FRMD7: variants seen among roughly 807,000 people sequenced by gnomAD.
FRMD7 encodes the protein FERM domain containing 7.
A neutral mutation model predicts 44.1 loss-of-function variants in FRMD7; 14 were observed. That is an observed-to-expected ratio of 0.32 (90% CI 0.21 to 0.50). The LOEUF is 0.50. FRMD7 is among the 20% of genes least tolerant of loss of function. FRMD7 has a pLI of 0.99. For missense variants in FRMD7, 501 were observed against 522.3 expected (o/e 0.96, Z 0.40); for synonymous variants, 212 against 187.4 (o/e 1.13, Z -1.07).
Position 132,121,607 on chromosome X carries a change from A to C in FRMD7, c.57+6181T>G, listed in dbSNP as rs1472916026. On this transcript the variant is annotated intron_variant, in intron 1 of 11. Transcript: ENST00000298542. ...CCCATTTTATAGATTAAAAAAAAAA[A>C]CCCAAGGCACAGAGAAGTTATATAA... Among the ~76,000 whole-genome samples the C allele has an allele frequency of 2.7e-5, 3 of 109,501 alleles. No individual in the cohort carries two copies. The Admixed American group carries it at 2.9e-4, about 11-fold the overall frequency.
At chrX:132,092,292 T>A (rs1928201370) in intron 5 of FRMD7, among the ~76,000 whole-genome samples, 1 of 111,977 alleles carries the variant, frequency 8.9e-6, no homozygotes, top group Non-Finnish European at 1.9e-5. Flanking sequence ...AAGGTTGGAA[T>A]GTGGAGGTTC....
intron 1 of FRMD7, among the ~76,000 whole-genome samples, chrX:132,101,612 G>T (rs1928501327): frequency 8.9e-6 from 1 of 112,380 alleles, no homozygotes; most frequent in South Asian, 3.7e-4. Flanking sequence ...CTGAATGTTT[G>T]TTGATCCAAC....
intron 1 of FRMD7, among the ~76,000 whole-genome samples, chrX:132,105,548 C>G (rs1402269557): frequency 9.0e-6 from 1 of 111,612 alleles, no homozygotes; most frequent in Non-Finnish European, 1.9e-5. Context: ...GCCCAAATAG[C>G]CAAGGAAATC....
chrX:132,085,804 T>G, intron 6 of FRMD7, 76 bp from the exon 7 acceptor site: 1 of 1,075,658 alleles, frequency 9.3e-7, no homozygotes, highest in East Asian at 3.0e-5. Context: ...TCCATGAGGA[T>G]CTCAGCGTTT....
chrX:132,123,134 C>T (rs1929077140), intron 1 of FRMD7, among the ~76,000 whole-genome samples: 1 of 111,208 alleles, frequency 9.0e-6, no homozygotes, highest in Non-Finnish European at 1.9e-5. Flanking sequence ...TTCTTAACTC[C>T]TACTCAGCAA....
intron 5 of FRMD7, among the ~76,000 whole-genome samples, chrX:132,088,095 C>A (rs1928052527): frequency 8.9e-6 from 1 of 112,312 alleles, no homozygotes; most frequent in African/African-American, 3.2e-5. Context: ...CACTTAAGAT[C>A]AGAAATCAGG....
chrX:132,094,709 G>T (rs1928278234), intron 4 of FRMD7, among the ~76,000 whole-genome samples: 1 of 111,988 alleles, frequency 8.9e-6, no homozygotes, highest in Admixed American at 9.5e-5. Context: ...CTATCCAAAA[G>T]ACTGTGTTTT....
chrX:132,095,385 GTGTC>G (rs1167908389), intron 4 of FRMD7, among the ~76,000 whole-genome samples: 2 of 111,262 alleles, frequency 1.8e-5, no homozygotes, highest in African/African-American at 6.5e-5. Context: ...GTGAGCTACT[GTGTC>G]TGGCCCCAAT....
rs1377297899 is a variant in FRMD7, at chrX:132,127,938, C to A, written c.-94G>T. ...CCCAGCTGGATGTGGTGCACTCGGG[C>A]CCCCCCACCCCCAGCCAGGCATTCC... On this transcript the variant is annotated 5_prime_UTR_variant, in exon 1 of 12. Transcript: ENST00000298542. The A allele has an allele frequency of 7.1e-6, 5 of 705,631 alleles. No homozygotes were observed. The highest frequency in any genetic ancestry group is 4.3e-5 in the South Asian group (2 of 46,335). 58.2% of individuals were successfully genotyped at this position (705,631 alleles called of 1,213,427 possible). A position where few individuals can be genotyped will look rare whatever the true frequency, so the allele number is the denominator to read the frequency against.
intron 7 of FRMD7, among the ~76,000 whole-genome samples, chrX:132,085,115 C>T (rs932793738): frequency 9.0e-6 from 1 of 111,415 alleles, no homozygotes. Context: ...CAATGCCTTC[C>T]ACATAGTCAA....
At position 132,118,098 on chromosome X, in the gene FRMD7, A is replaced by T. The variant is rs768861961; in HGVS notation, c.57+9690T>A. On this transcript the variant is annotated intron_variant, in intron 1 of 11. Transcript: ENST00000298542. ...TAGTTCTTGCTTGGTAAAGTAGTGAAAGAATTATATGAACCCAAACTGTGC... is the reference window on the plus strand; with the variant it reads ...TAGTTCTTGCTTGGTAAAGTAGTGATAGAATTATATGAACCCAAACTGTGC... Among the ~76,000 whole-genome samples, 617 of 111,536 alleles carry T rather than the reference A, an allele frequency of 5.5e-3. 3 individuals carry two copies. The highest frequency in any genetic ancestry group is 0.018 in the African/African-American group (563 of 30,677).
intron 1 of FRMD7, among the ~76,000 whole-genome samples, chrX:132,114,825 C>G: frequency 8.9e-6 from 1 of 112,371 alleles, no homozygotes; most frequent in East Asian, 2.8e-4. Context: ...TGCCAAGCTC[C>G]ACCTTTGCAG....
intron 1 of FRMD7, among the ~76,000 whole-genome samples, chrX:132,112,139 T>G (rs776923718): frequency 8.9e-6 from 1 of 112,238 alleles, no homozygotes; most frequent in South Asian, 3.7e-4. Flanking sequence ...TTTGAAAGTT[T>G]GCACTCAGTA....
In FRMD7 at chrX:132,078,030, A is replaced by T. The variant is rs1041565174; in HGVS notation, c.1987T>A (p.Tyr663Asn). Residue 663 changes from tyrosine (Y) to asparagine (N), a missense_variant, in exon 12 of 12, where the codon TAT (tyrosine) becomes AAT (asparagine). Transcript: ENST00000298542. Reference sequence around the variant, plus strand: ...CTTATTTCTTTGCCATACAAAGCATAGTAGTCTGGTTTAAGAATCTCTGAT... The same window carrying T: ...CTTATTTCTTTGCCATACAAAGCATTGTAGTCTGGTTTAAGAATCTCTGAT... ...SESEILKPDY[Y>N]ALYGKEIRSP... 3 of 1,210,427 alleles carry T rather than the reference A, an allele frequency of 2.5e-6. No homozygotes were observed. The highest frequency in any genetic ancestry group is 3.4e-6 in the Non-Finnish European group (3 of 894,396).
chrX:132,121,045 C>G (rs928645539), intron 1 of FRMD7, among the ~76,000 whole-genome samples: 15 of 111,691 alleles, frequency 1.3e-4, no homozygotes, highest in Non-Finnish European at 2.4e-4. Context: ...TGGTGGTGAG[C>G]TGATCTGCTC....
At position 132,097,257 on chromosome X, in the gene FRMD7, T is replaced by C; in HGVS notation, c.284+9A>G. The C allele has an allele frequency of 9.0e-7, 1 of 1,116,331 alleles. No individual in the cohort carries two copies. The highest frequency in any genetic ancestry group is 1.2e-6 in the Non-Finnish European group (1 of 808,085). 92.0% of individuals were successfully genotyped at this position (1,116,331 alleles called of 1,213,427 possible). A position where few individuals can be genotyped will look rare whatever the true frequency, so the allele number is the denominator to read the frequency against. ...ACATCATGCAGAGACACACAGGTAA[T>C]CACTATACCTTGTAAGTTCTTCCCG... On this transcript the variant is annotated intron_variant, in intron 4 of 11. Transcript: ENST00000298542.
At chrX:132,102,705 C>T (rs1928535578) in intron 1 of FRMD7, among the ~76,000 whole-genome samples, 1 of 111,716 alleles carries the variant, frequency 9.0e-6, no homozygotes. Flanking sequence ...AGAAACACTT[C>T]AGTCATGAGG....
chrX:132,084,507 G>A lies in FRMD7; in HGVS notation c.724C>T (p.Leu242Phe), dbSNP rs771987980. The part of the protein sequence containing the change: ...SFKRKHFLIK[L>F]HANILVLCKD... The stretch of plus-strand genomic sequence containing the variant: ...CTACTTACCAAGATATTGGCATGAA[G>A]TTTGATGAGAAAATGCTTTCTCTTA... Residue 242 changes from leucine to phenylalanine, a missense_variant, in exon 8 of 12, where the codon CTT (leucine) becomes TTT (phenylalanine). Around this residue, in one of 3 missense-constraint regions of FRMD7, gnomAD observed 453 missense variants for 452.7 expected, o/e 1.00. Coordinates refer to ENST00000298542, the MANE Select transcript of FRMD7 (RefSeq NM_194277.3). The A allele has an allele frequency of 4.3e-6, 5 of 1,167,006 alleles. No homozygotes were observed. The highest frequency in any genetic ancestry group is 4.7e-6 in the Non-Finnish European group (4 of 855,724).
At chrX:132,103,520 CTA>C (rs1928566774) in intron 1 of FRMD7, among the ~76,000 whole-genome samples, 2 of 110,231 alleles carry the variant, frequency 1.8e-5, no homozygotes, top group African/African-American at 3.3e-5. Flanking sequence ...ATCTATCTAT[CTA>C]TCTATCTATC....
Sources: allele counts gnomAD v4.1 joint callset (sites outside exome capture counted in the v4.1 genomes callset), GRCh38; gene constraint gnomAD v4.1.1; regional missense constraint gnomAD v4.1.1; transcripts MANE v1.5; gene names NCBI Gene and HGNC (gene_info 2026-07-23, HGNC 2026-07-21).